ADARB2: variants seen among roughly 807,000 people sequenced by gnomAD.
ADARB2 encodes inactive double-stranded RNA-specific editase B2.
ADARB2 carries 25 observed loss-of-function variants against 62.2 expected under a neutral mutation model. The observed-to-expected ratio is 0.40, with a 90% CI of 0.29 to 0.56. ADARB2 has a LOEUF of 0.56. Among genes scored for constraint, ADARB2 ranks in the 20% least tolerant of loss-of-function variants. The probability of loss-of-function intolerance (pLI) is 0.43; values close to 1 mark genes in which losing one functional copy is unlikely to be tolerated. For synonymous variants in ADARB2, 572 were observed against 500.8 expected (o/e 1.14, Z -1.90); for missense variants, 1,071 against 1,077.4 (o/e 0.99, Z 0.08).
intron 1 of ADARB2, among the ~76,000 whole-genome samples, chr10:1,612,325 G>A (rs1342712056): frequency 2.0e-5 from 3 of 152,232 alleles, no homozygotes; most frequent in Admixed American, 2.0e-4. Context: ...AGAGCAGAGC[G>A]GCCATGGCCG....
chr10:1,524,028 A>G (rs1250553229), intron 1 of ADARB2, among the ~76,000 whole-genome samples: 1 of 151,248 alleles, frequency 6.6e-6, no homozygotes, highest in East Asian at 1.9e-4. Flanking sequence ...TTCAGCACTT[A>G]CTATATTCTA....
At chr10:1,252,276 T>C (rs1831043915) in intron 4 of ADARB2, among the ~76,000 whole-genome samples, 1 of 152,206 alleles carries the variant, frequency 6.6e-6, no homozygotes, top group South Asian at 2.1e-4. Flanking sequence ...ATAGAAGATA[T>C]AGAGAGAAAG....
intron 1 of ADARB2, among the ~76,000 whole-genome samples, chr10:1,656,290 G>T (rs970045366): frequency 1.3e-5 from 2 of 152,194 alleles, no homozygotes; most frequent in Non-Finnish European, 2.9e-5. Context: ...CTCAGATGAC[G>T]TCGAACCTAG....
At chr10:1,240,565 GC>G (rs1309317563) in intron 5 of ADARB2, 1 of 152,396 alleles carries the variant, frequency 6.6e-6, no homozygotes, top group Non-Finnish European at 1.5e-5. Context: ...ATCCCCCACT[GC>G]CCCGGCTGCC....
intron 8 of ADARB2, among the ~76,000 whole-genome samples, chr10:1,199,174 C>G (rs1836949622): frequency 6.6e-6 from 1 of 152,168 alleles, no homozygotes; most frequent in Non-Finnish European, 1.5e-5. Flanking sequence ...ACCTGGTGTT[C>G]TGCAGGCCCA....
At chr10:1,468,693 C>T (rs902183830) in intron 1 of ADARB2, among the ~76,000 whole-genome samples, 2 of 152,182 alleles carry the variant, frequency 1.3e-5, no homozygotes, top group Admixed American at 1.3e-4. Context: ...CCATTCTGGT[C>T]CAAGGACAAG....
At chr10:1,456,436 C>G (rs140810058) in intron 1 of ADARB2, among the ~76,000 whole-genome samples, 66 of 152,280 alleles carry the variant, frequency 4.3e-4, no homozygotes, top group African/African-American at 1.6e-3. Flanking sequence ...TAACTTTGCT[C>G]CATACAAGCC....
chr10:1,643,830 G>T (rs1834005106), intron 1 of ADARB2, among the ~76,000 whole-genome samples: 1 of 152,128 alleles, frequency 6.6e-6, no homozygotes, highest in Admixed American at 6.5e-5. Flanking sequence ...TTCCAATCCT[G>T]AGAATGATTG....
At chr10:1,547,426 G>T (rs1302043201) in intron 1 of ADARB2, among the ~76,000 whole-genome samples, 1 of 94,892 alleles carries the variant, frequency 1.1e-5, no homozygotes, top group African/African-American at 3.9e-5. Context: ...CTATGGGGAG[G>T]GGGAGAGAGG....
At chr10:1,675,898 G>T in intron 1 of ADARB2, 3 of 774,614 alleles carry the variant, frequency 3.9e-6, no homozygotes, top group Non-Finnish European at 4.7e-6. Flanking sequence ...CAGCTCAGAG[G>T]AAGGGGCTGC....
At chr10:1,381,836 G>A (rs536122716) in intron 1 of ADARB2, among the ~76,000 whole-genome samples, 4 of 152,312 alleles carry the variant, frequency 2.6e-5, no homozygotes, top group African/African-American at 7.2e-5. Context: ...AGGGTCCATG[G>A]GGTGAGGGGA....
intron 1 of ADARB2, among the ~76,000 whole-genome samples, chr10:1,612,946 T>C (rs1306035599): frequency 6.6e-6 from 1 of 152,238 alleles, no homozygotes; most frequent in Non-Finnish European, 1.5e-5. Context: ...TTTTAAATTA[T>C]AGTGTCTGAA....
At chr10:1,495,531 C>T (rs1390901412) in intron 1 of ADARB2, among the ~76,000 whole-genome samples, 3 of 152,194 alleles carry the variant, frequency 2.0e-5, no homozygotes, top group Non-Finnish European at 4.4e-5. Context: ...CAGCCCAATG[C>T]TACATTTTGG....
chr10:1,496,555 G>GTCA (rs1475341752), intron 1 of ADARB2, among the ~76,000 whole-genome samples: 1 of 151,748 alleles, frequency 6.6e-6, no homozygotes, highest in Non-Finnish European at 1.5e-5. Flanking sequence ...CATCATCATA[G>GTCA]TCATCATCAT....
At chr10:1,333,364 A>G (rs890439039) in intron 3 of ADARB2, among the ~76,000 whole-genome samples, 23 of 151,896 alleles carry the variant, frequency 1.5e-4, no homozygotes, top group African/African-American at 5.6e-4. Flanking sequence ...TACCATCCAA[A>G]TTTTCTGCAG....
intron 1 of ADARB2, among the ~76,000 whole-genome samples, chr10:1,442,640 T>C (rs896901956): frequency 6.6e-6 from 1 of 152,226 alleles, no homozygotes. Context: ...AGTCGTACTC[T>C]TGAGAGTGAG....
intron 1 of ADARB2, among the ~76,000 whole-genome samples, chr10:1,599,503 T>G (rs1481305954): frequency 5.3e-5 from 8 of 152,188 alleles, no homozygotes; most frequent in Non-Finnish European, 1.2e-4. Flanking sequence ...GAAGCACGTA[T>G]TGGAAATATG....
intron 1 of ADARB2, among the ~76,000 whole-genome samples, chr10:1,574,664 G>A (rs527710703): frequency 2.6e-5 from 4 of 152,142 alleles, no homozygotes; most frequent in East Asian, 1.9e-4. Context: ...GTGTCCTAAC[G>A]TCTGCTTTTA....
At chr10:1,449,335 C>T (rs544173438) in intron 1 of ADARB2, among the ~76,000 whole-genome samples, 91 of 152,274 alleles carry the variant, frequency 6.0e-4, no homozygotes, top group African/African-American at 1.9e-3. Context: ...TTCACTTCCC[C>T]GTGACCCATC....
Sources: gnomAD v4.1 joint callset for allele counts (sites outside exome capture counted in the v4.1 genomes callset) on GRCh38, gnomAD v4.1.1 for gene constraint, MANE v1.5 for transcripts, NCBI Gene and HGNC (gene_info 2026-07-23, HGNC 2026-07-21) for gene names.